DNAH9: variants seen among roughly 807,000 people sequenced by gnomAD.
DNAH9 encodes DNAH9 variant protein.
Under a neutral mutation model 471.6 loss-of-function variants are expected in DNAH9, and 345 were observed. That is an observed-to-expected ratio of 0.73 (90% CI 0.67 to 0.80). The LOEUF is 0.80. Ranked by LOEUF, DNAH9 falls within the 30% of genes least tolerant of loss-of-function variation. The pLI, the probability that DNAH9 is intolerant of heterozygous loss-of-function variation, is 0.00. For missense variants in DNAH9, 5,407 were observed against 5,609.2 expected (o/e 0.96, Z 1.15); for synonymous variants, 2,093 against 2,123.6 (o/e 0.99, Z 0.40).
At chr17:11,806,496 C>T (rs1399367865) in intron 43 of DNAH9, among the ~76,000 whole-genome samples, 1 of 151,854 alleles carries the variant, frequency 6.6e-6, no homozygotes. Context: ...ACCATTCTAC[C>T]ATCAAAAGTC....
intron 49 of DNAH9, among the ~76,000 whole-genome samples, chr17:11,850,383 T>C (rs1348251818): frequency 1.3e-5 from 2 of 152,198 alleles, no homozygotes; most frequent in African/African-American, 2.4e-5. Flanking sequence ...GCATGGCGGC[T>C]CACGCCTGTA....
At chr17:11,627,337 A>G (rs1003865479) in intron 6 of DNAH9, among the ~76,000 whole-genome samples, 1 of 152,244 alleles carries the variant, frequency 6.6e-6, no homozygotes, top group Non-Finnish European at 1.5e-5. Context: ...TTCTTGAGAA[A>G]TAAAATAGTC....
chr17:11,761,527 C>T (rs1967666039), intron 35 of DNAH9, among the ~76,000 whole-genome samples: 1 of 152,338 alleles, frequency 6.6e-6, no homozygotes, highest in South Asian at 2.1e-4. Context: ...CCCACACAAA[C>T]CCCATCTGCC....
At chr17:11,749,792 T>C (rs1268660413) in intron 32 of DNAH9, among the ~76,000 whole-genome samples, 2 of 152,126 alleles carry the variant, frequency 1.3e-5, no homozygotes, top group Admixed American at 1.3e-4. Flanking sequence ...CATATGTATA[T>C]TGAGATCTGA....
chr17:11,679,667 T>G, intron 17 of DNAH9, 90 bp from the exon 18 acceptor site: 1 of 907,540 alleles, frequency 1.1e-6, no homozygotes, highest in Non-Finnish European at 1.8e-6. Flanking sequence ...ATTTTCATAA[T>G]GATAGATATT....
chr17:11,665,113 AAAAGGTATCG>A, intron 15 of DNAH9, 145 bp downstream of exon 15: 1 of 709,408 alleles, frequency 1.4e-6, no homozygotes, highest in Non-Finnish European at 2.4e-6. Flanking sequence ...AGGAAAACAG[AAAAGGTATCG>A]AACTTCTAAA....
chr17:11,690,956 C>G (rs150503330), intron 20 of DNAH9, among the ~76,000 whole-genome samples: 14 of 152,268 alleles, frequency 9.2e-5, no homozygotes, highest in Non-Finnish European at 1.5e-4. Context: ...ATTACCTTCC[C>G]TGTGTTTGAT....
In DNAH9 at chr17:11,654,084, G is replaced by T. The variant is rs753733625; in HGVS notation, c.2595+1082G>T. ...TTTAAAATCGATCTAGGCCGGGCGCGGTGGCTCACGCTTGTAATCCCAGCA... is the reference window on the plus strand; with the variant it reads ...TTTAAAATCGATCTAGGCCGGGCGCTGTGGCTCACGCTTGTAATCCCAGCA... On this transcript the variant is annotated intron_variant, in intron 14 of 68. Coordinates refer to ENST00000262442, the MANE Select transcript of DNAH9 (RefSeq NM_001372.4). Among the ~76,000 whole-genome samples the T allele has an allele frequency of 7.5e-5, 5 of 66,874 alleles. 1 individual carries two copies. The highest frequency in any genetic ancestry group is 1.5e-4 in the Non-Finnish European group (4 of 27,378). The allele number at this position is 66,874 out of a possible 152,430, so 43.9% of individuals were successfully genotyped here.
chr17:11,718,773 A>G (rs1326706513), intron 26 of DNAH9, among the ~76,000 whole-genome samples: 4 of 152,238 alleles, frequency 2.6e-5, no homozygotes, highest in Non-Finnish European at 5.9e-5. Context: ...GAAGATATAT[A>G]CAACATATGT....
intron 49 of DNAH9, among the ~76,000 whole-genome samples, chr17:11,842,531 G>T (rs929102374): frequency 7.9e-5 from 12 of 152,136 alleles, no homozygotes; most frequent in African/African-American, 1.2e-4. Context: ...GCCAGTCCGG[G>T]TCCCAAAACC....
At chr17:11,792,894 C>A (rs1969112233) in intron 41 of DNAH9, among the ~76,000 whole-genome samples, 1 of 152,170 alleles carries the variant, frequency 6.6e-6, no homozygotes, top group South Asian at 2.1e-4. Flanking sequence ...GAATTCCAAT[C>A]TTCACATTAT....
chr17:11,911,982 A>G (rs1446133379), intron 61 of DNAH9, among the ~76,000 whole-genome samples: 1 of 152,092 alleles, frequency 6.6e-6, no homozygotes, highest in Non-Finnish European at 1.5e-5. Context: ...GTTATCTGCA[A>G]ATTCAGATAT....
rs1404986645 is a variant in DNAH9, at chr17:11,606,443, C to CTTTTTTTTTTTTTTTT, written c.418-1682_418-1681insTTTTTTTTTTTTTTTT. Among the ~76,000 whole-genome samples, 144 of 69,134 alleles carry CTTTTTTTTTTTTTTTT rather than the reference C, an allele frequency of 2.1e-3. 19 individuals are homozygous for CTTTTTTTTTTTTTTTT. Among genetic ancestry groups the CTTTTTTTTTTTTTTTT allele is most frequent in the East Asian group, 5.8e-3 (10 of 1,730 alleles). 45.4% of individuals were successfully genotyped at this position (69,134 alleles called of 152,430 possible). Reference sequence around the variant, plus strand: ...CTGACAACTTTCTTTCTTTTCTTTTCTTTTCTTTTCTTTTTTTTTTTTTTG... The same window carrying CTTTTTTTTTTTTTTTT: ...CTGACAACTTTCTTTCTTTTCTTTTCTTTTTTTTTTTTTTTTTTTTCTTTTCTTTTTTTTTTTTTTG... On this transcript the variant is annotated intron_variant, in intron 1 of 68. Transcript: ENST00000262442.
At chr17:11,620,809 C>T (rs1343013192) in intron 6 of DNAH9, among the ~76,000 whole-genome samples, 1 of 152,184 alleles carries the variant, frequency 6.6e-6, no homozygotes, top group Non-Finnish European at 1.5e-5. Context: ...CCCCAATCTC[C>T]AAGGCAGCTC....
At chr17:11,929,674 A>G (rs1974440748) in intron 62 of DNAH9, among the ~76,000 whole-genome samples, 192 bp from the exon 63 acceptor site, 2 of 152,234 alleles carry the variant, frequency 1.3e-5, no homozygotes, top group Admixed American at 1.3e-4. Context: ...ATGTGAGTGC[A>G]CGTAACGCCA....
Position 11,690,009 on chromosome 17 carries a change from G to C in DNAH9, c.4187G>C (p.Ser1396Thr), listed in dbSNP as rs2074305231. ...CAGCTGATGCAGGCCACCGGTGTGAGCTTCACTATGGACCAGGACACCACC... is the reference window on the plus strand; with the variant it reads ...CAGCTGATGCAGGCCACCGGTGTGACCTTCACTATGGACCAGGACACCACC... ...WRQLMQATGV[S>T]FTMDQDTTLA... Residue 1396 changes from serine (S) to threonine (T), a missense_variant, in exon 20 of 69, where the codon AGC (serine) becomes ACC (threonine). Around this residue, in one of 3 missense-constraint regions of DNAH9, gnomAD observed 4,636 missense variants for 4,900.3 expected, o/e 0.95. Transcript: ENST00000262442. The C allele has an allele frequency of 1.2e-6, 2 of 1,614,212 alleles. No homozygotes were observed. Among genetic ancestry groups the C allele is most frequent in the Non-Finnish European group, 1.7e-6 (2 of 1,180,044 alleles).
chr17:11,704,861 C>G (rs2074672170), intron 25 of DNAH9, among the ~76,000 whole-genome samples, 164 bp from the exon 26 acceptor site: 1 of 152,092 alleles, frequency 6.6e-6, no homozygotes, highest in Non-Finnish European at 1.5e-5. Context: ...GGGATAGAAC[C>G]CTGTAATCAG....
rs569498071 is a variant in DNAH9 at position 11,628,142 on chromosome 17, T to C, written c.1351-1275T>C. Among the ~76,000 whole-genome samples, 7 of 152,362 alleles carry C rather than the reference T, an allele frequency of 4.6e-5. No homozygotes were observed. The South Asian group carries it at 1.2e-3, about 27-fold the overall frequency. On this transcript the variant is annotated intron_variant, in intron 6 of 68. Coordinates refer to ENST00000262442, the MANE Select transcript of DNAH9 (RefSeq NM_001372.4). ...TGTCATCTTTCCTGCCTAAGGAATG[T>C]GCACACAAATTGGAAGTCATGACAA...
In DNAH9 at chr17:11,704,283, T is replaced by G. The variant is rs1477883592; in HGVS notation, c.5232T>G (p.Ser1744Arg). ...CCAGGCTGGAGGAAGGCTATGAGAG[T>G]GCCATGAAGGACTATTATAAGAAGC... ...AFARLEEGYE[S>R]AMKDYYKKQV... Residue 1744 changes from serine (S) to arginine (R), a missense_variant, in exon 25 of 69, where the codon AGT (serine) becomes AGG (arginine). This residue lies in a region of DNAH9 where 4,636 missense variants were observed against 4,900.3 expected (regional missense o/e 0.95). Transcript: ENST00000262442. 3 of 1,613,812 alleles carry G rather than the reference T, an allele frequency of 1.9e-6. No individual in the cohort carries two copies. In the African/African-American group the frequency reaches 4.0e-5, roughly 22 times the overall value.
Sources: allele counts gnomAD v4.1 joint callset (sites outside exome capture counted in the v4.1 genomes callset), GRCh38; gene constraint gnomAD v4.1.1; regional missense constraint gnomAD v4.1.1; transcripts MANE v1.5; gene names NCBI Gene and HGNC (gene_info 2026-07-23, HGNC 2026-07-21).